Variants in KCNMB2 observed in about 807,000 individuals in gnomAD.
KCNMB2 encodes the protein calcium-activated potassium channel subunit beta-2.
Under a neutral mutation model 24.5 loss-of-function variants are expected in KCNMB2, and 9 were observed. The observed-to-expected ratio is 0.37, with a 90% confidence interval of 0.22 to 0.64. The LOEUF (loss-of-function observed/expected upper bound fraction) is 0.64. KCNMB2 is among the 30% of genes least tolerant of loss of function. KCNMB2 has a pLI of 0.63. For synonymous variants in KCNMB2, 109 were observed against 104.4 expected, an observed-to-expected ratio of 1.04 and a Z score of -0.27; for missense variants, 226 against 284.3, an observed-to-expected ratio of 0.79 and a Z score of 1.47.
intron 1 of KCNMB2, among the ~76,000 whole-genome samples, chr3:178,804,549 A>G (rs1713891535): frequency 6.6e-6 from 1 of 152,260 alleles, no homozygotes; most frequent in Non-Finnish European, 1.5e-5. Flanking sequence ...ACAGTTCATT[A>G]GAATAAATAT....
At chr3:178,571,114 T>G (rs1237545975) in intron 1 of KCNMB2, among the ~76,000 whole-genome samples, 1 of 152,212 alleles carries the variant, frequency 6.6e-6, no homozygotes, top group Non-Finnish European at 1.5e-5. Flanking sequence ...AATTACTATG[T>G]GTACTTTAAA....
intron 1 of KCNMB2, among the ~76,000 whole-genome samples, chr3:178,563,657 A>T (rs1257383182): frequency 6.6e-6 from 1 of 152,232 alleles, no homozygotes; most frequent in Non-Finnish European, 1.5e-5. Context: ...GTACCCAGGA[A>T]AAATGAAGTA....
intron 1 of KCNMB2, among the ~76,000 whole-genome samples, chr3:178,688,117 T>C (rs901725535): frequency 6.6e-6 from 1 of 152,130 alleles, no homozygotes; most frequent in Admixed American, 6.5e-5. Context: ...CCTTTTGCTT[T>C]TGCATTTCAA....
intron 1 of KCNMB2, among the ~76,000 whole-genome samples, chr3:178,781,408 A>G (rs1183707787): frequency 6.6e-6 from 1 of 151,604 alleles, no homozygotes; most frequent in Non-Finnish European, 1.5e-5. Flanking sequence ...CCTGGCCAAC[A>G]TGGTGAAACC....
intron 1 of KCNMB2, among the ~76,000 whole-genome samples, chr3:178,587,937 T>G (rs1050058831): frequency 2.0e-4 from 26 of 132,292 alleles, no homozygotes; most frequent in African/African-American, 6.8e-4. Context: ...CCCCTTCCTG[T>G]GTCCATGTGT....
At chr3:178,537,789 G>A (rs969992800) in intron 1 of KCNMB2, among the ~76,000 whole-genome samples, 1 of 152,130 alleles carries the variant, frequency 6.6e-6, no homozygotes, top group African/African-American at 2.4e-5. Context: ...CTGTTGTGTT[G>A]TTTCCCCAGT....
intron 1 of KCNMB2, among the ~76,000 whole-genome samples, chr3:178,727,789 C>A (rs1426230650): frequency 6.6e-6 from 1 of 152,142 alleles, no homozygotes; most frequent in African/African-American, 2.4e-5. Context: ...AGAATTCTAA[C>A]CTCTAAAACT....
intron 1 of KCNMB2, among the ~76,000 whole-genome samples, chr3:178,714,400 C>T (rs1016614728): frequency 1.3e-5 from 2 of 152,136 alleles, no homozygotes; most frequent in African/African-American, 4.8e-5. Context: ...TTGGCTGAGG[C>T]AGCAGAAGGA....
intron 1 of KCNMB2, among the ~76,000 whole-genome samples, chr3:178,565,183 G>A (rs769305974): frequency 3.3e-5 from 5 of 152,108 alleles, no homozygotes; most frequent in East Asian, 3.9e-4. Flanking sequence ...AGAATGAGAC[G>A]AAGGGCTAGA....
At chr3:178,629,128 C>T (rs2108535617) in intron 1 of KCNMB2, among the ~76,000 whole-genome samples, 1 of 152,208 alleles carries the variant, frequency 6.6e-6, no homozygotes, top group East Asian at 1.9e-4. Flanking sequence ...ATTTCAGTTC[C>T]CGGTTAGCTT....
At chr3:178,834,543 T>C (rs191092359) in intron 4 of KCNMB2, among the ~76,000 whole-genome samples, 200 of 152,232 alleles carry the variant, frequency 1.3e-3, no homozygotes, top group Middle Eastern at 3.4e-3. Flanking sequence ...GAGCAAGGAA[T>C]AGAATTATCT....
intron 1 of KCNMB2, among the ~76,000 whole-genome samples, chr3:178,769,617 A>G (rs1712262746): frequency 6.6e-6 from 1 of 152,248 alleles, no homozygotes; most frequent in Non-Finnish European, 1.5e-5. Flanking sequence ...TTGATTTCGT[A>G]AAAATGTTGA....
intron 1 of KCNMB2, among the ~76,000 whole-genome samples, chr3:178,736,831 C>T (rs1274867376): frequency 6.6e-6 from 1 of 152,144 alleles, no homozygotes; most frequent in Non-Finnish European, 1.5e-5. Context: ...ACATATGATG[C>T]GTGAAATGTC....
At chr3:178,700,630 T>C (rs985406901) in intron 1 of KCNMB2, among the ~76,000 whole-genome samples, 7 of 152,218 alleles carry the variant, frequency 4.6e-5, no homozygotes, top group Non-Finnish European at 5.9e-5. Flanking sequence ...TATCCTCCCA[T>C]GCCTAATATG....
intron 4 of KCNMB2, among the ~76,000 whole-genome samples, chr3:178,835,425 G>T (rs1487820472): frequency 6.6e-6 from 1 of 152,138 alleles, no homozygotes; most frequent in Non-Finnish European, 1.5e-5. Context: ...AAGAAATGAA[G>T]TCTCAATTTA....
chr3:178,731,353 C>T (rs1341756849), intron 1 of KCNMB2, among the ~76,000 whole-genome samples: 3 of 152,124 alleles, frequency 2.0e-5, no homozygotes, highest in Non-Finnish European at 2.9e-5. Context: ...TCCAACATTT[C>T]GGGCTAGATA....
intron 1 of KCNMB2, among the ~76,000 whole-genome samples, chr3:178,761,529 T>C (rs187540817): frequency 1.1e-3 from 161 of 152,346 alleles, no homozygotes; most frequent in Middle Eastern, 6.8e-3. Flanking sequence ...GGAAGAACTG[T>C]TGAATGGCAA....
chr3:178,562,309 G>C (rs1334774951), intron 1 of KCNMB2, among the ~76,000 whole-genome samples: 1 of 152,216 alleles, frequency 6.6e-6, no homozygotes, highest in African/African-American at 2.4e-5. Context: ...GTTAGCCAAG[G>C]GAATGACAAG....
intron 1 of KCNMB2, among the ~76,000 whole-genome samples, chr3:178,650,344 A>T (rs1720066315): frequency 6.6e-6 from 1 of 152,138 alleles, no homozygotes; most frequent in East Asian, 1.9e-4. Context: ...AGAGTTCTGT[A>T]GATGTCTATT....
Sources: gnomAD v4.1 joint callset for allele counts (sites outside exome capture counted in the v4.1 genomes callset) on GRCh38, gnomAD v4.1.1 for gene constraint, MANE v1.5 for transcripts, NCBI Gene and HGNC (gene_info 2026-07-23, HGNC 2026-07-21) for gene names.